The following PTPN7 variants were observed in gnomAD, a reference collection of about 807,000 sequenced individuals.
PTPN7 encodes the protein tyrosine-protein phosphatase non-receptor type 7.
Under a neutral mutation model 50.3 loss-of-function variants are expected in PTPN7, and 33 were observed. That is an observed-to-expected ratio of 0.66 (90% CI 0.50 to 0.88). The LOEUF (loss-of-function observed/expected upper bound fraction) is 0.88, where lower values mean the gene tolerates loss of function less well. PTPN7 is among the 40% of genes least tolerant of loss of function. PTPN7 has a pLI of 0.00. For synonymous variants in PTPN7, 185 were observed against 186.6 expected, an observed-to-expected ratio of 0.99 and a Z score of 0.07; for missense variants, 412 against 475.4, an observed-to-expected ratio of 0.87 and a Z score of 1.24.
chr1:202,157,326 A>T (rs1043759163), intron 4 of PTPN7, among the ~76,000 whole-genome samples: 1 of 152,304 alleles, frequency 6.6e-6, no homozygotes, highest in African/African-American at 2.4e-5. Context: ...CCTGACCAAC[A>T]TGGAGAAACC....
At chr1:202,160,920 C>T (rs1343896017), upstream of PTPN7, 3 of 1,437,576 alleles carry the variant, frequency 2.1e-6, no homozygotes, top group East Asian at 2.5e-5. The surrounding 1 kb of genome is among the most constrained non-coding windows in gnomAD (Gnocchi z 4.8). Flanking sequence ...ACCCCCAGCT[C>T]TGTGCTGTCC....
At chr1:202,160,762 G>C, upstream of PTPN7, 1 of 1,550,874 alleles carries the variant, frequency 6.4e-7, no homozygotes. The surrounding 1 kb of genome is among the most constrained non-coding windows in gnomAD (Gnocchi z 4.8). Flanking sequence ...GGGGCCCAAG[G>C]CCCCGTTCCC....
At chr1:202,148,881 A>C (rs1655625739) in intron 9 of PTPN7, among the ~76,000 whole-genome samples, 182 bp from the exon 10 acceptor site, 2 of 109,810 alleles carry the variant, frequency 1.8e-5, no homozygotes, top group African/African-American at 7.5e-5. Context: ...TGTGAGACAG[A>C]GTCTCACTCT....
At position 202,160,293 on chromosome 1, in the gene PTPN7, T is replaced by A. The variant is rs1657226774; in HGVS notation, c.-53+252A>T. ...GGGGACAGAATGGGCCTGGCACAGG[T>A]GTGAGTGGTAGAGCGAGGGTCTCTG... On this transcript the variant is annotated intron_variant, in intron 1 of 9. Transcript: ENST00000691036. The surrounding 1 kb of genome is among the most constrained non-coding windows in gnomAD (Gnocchi z 4.8). Among the ~76,000 whole-genome samples the A allele has an allele frequency of 6.6e-6, 1 of 151,936 alleles. No homozygotes were observed. The highest frequency in any genetic ancestry group is 2.1e-4 in the South Asian group (1 of 4,810).
rs766586597 is a variant in PTPN7, at chr1:202,148,562, G to A, written c.*44C>T. The A allele has an allele frequency of 6.4e-6, 10 of 1,563,534 alleles. No individual in the cohort carries two copies. The South Asian group carries it at 1.0e-4, about 16-fold the overall frequency. ...ACTTTCCCCAGACCCACCTTCCCAG[G>A]CTTGAGGGAGGTAGGCACCTGGGCC... On this transcript the variant is annotated 3_prime_UTR_variant, in exon 10 of 10. Transcript: ENST00000691036.
At position 202,158,115 on chromosome 1, in the gene PTPN7, T is replaced by C; in HGVS notation, c.306+3A>G. The C allele has an allele frequency of 6.3e-7, 1 of 1,585,696 alleles. No individual in the cohort carries two copies. The highest frequency in any genetic ancestry group is 1.7e-4 in the Middle Eastern group (1 of 5,768). Reference sequence around the variant, plus strand: ...CGATTCAGAGGGGACCCCAATTTCTTACCAAGAATTCTTCTTCCAGTTGCT... The same window carrying C: ...CGATTCAGAGGGGACCCCAATTTCTCACCAAGAATTCTTCTTCCAGTTGCT... On this transcript the variant is annotated splice_donor_region_variant and intron_variant, in intron 3 of 9. Coordinates refer to ENST00000691036, the MANE Select transcript of PTPN7 (RefSeq NM_002832.4).
At chr1:202,153,534 T>G (rs953549335) in intron 7 of PTPN7, among the ~76,000 whole-genome samples, 191 bp downstream of exon 7, 2 of 152,230 alleles carry the variant, frequency 1.3e-5, no homozygotes, top group Non-Finnish European at 2.9e-5. Context: ...TAGTCCTATT[T>G]GGCTTATTGG....
chr1:202,151,580 C>T (rs1172330557), intron 8 of PTPN7, among the ~76,000 whole-genome samples: 4 of 152,140 alleles, frequency 2.6e-5, no homozygotes, highest in African/African-American at 7.2e-5. Flanking sequence ...TGCCATGGTG[C>T]GATCTCAGCT....
At chr1:202,150,282 G>T in intron 9 of PTPN7, 29 bp downstream of exon 9, 1 of 1,563,768 alleles carries the variant, frequency 6.4e-7, no homozygotes, top group Non-Finnish European at 8.8e-7. Context: ...CGTTAACGTT[G>T]TTGGCCTTGT....
intron 7 of PTPN7, 49 bp from the exon 8 acceptor site, chr1:202,152,748 G>T: frequency 6.3e-7 from 1 of 1,588,234 alleles, no homozygotes; most frequent in Non-Finnish European, 8.6e-7. Context: ...GGAGGGCACT[G>T]TCTACCTTCT....
chr1:202,148,421 G>A lies in PTPN7; in HGVS notation c.*185C>T, dbSNP rs945471677. 7.5e-6 allele frequency: 4 copies of A among 533,008 alleles called. No homozygotes were observed. The highest frequency in any genetic ancestry group is 1.0e-5 in the Non-Finnish European group (3 of 299,936). The allele number at this position is 533,008 out of a possible 1,614,324, so 33.0% of individuals were successfully genotyped here. A position where few individuals can be genotyped will look rare whatever the true frequency, so the allele number is the denominator to read the frequency against. On this transcript the variant is annotated 3_prime_UTR_variant, in exon 10 of 10. Transcript: ENST00000691036. ...AAGCAGAGGAGTGGCCAGTGTTGAA[G>A]ACCTGGAATCCGGCCCCTTGTCCTT...
chr1:202,153,914 C>T, intron 6 of PTPN7, 79 bp from the exon 7 acceptor site: 1 of 1,195,314 alleles, frequency 8.4e-7, no homozygotes, highest in East Asian at 2.3e-5. Context: ...CTGGTATCTC[C>T]TCCCCATCCT....
chr1:202,159,266 C>T lies in PTPN7; in HGVS notation c.122+15G>A. 2 of 1,612,900 alleles carry T rather than the reference C, an allele frequency of 1.2e-6. No individual in the cohort carries two copies. Among genetic ancestry groups the T allele is most frequent in the African/African-American group, 1.3e-5 (1 of 75,048 alleles). ...CTCAGGGCTCGGAAGACCCCTCCCCCAGGGAAGATCTCACCTCTCCTGCAG... is the reference window on the plus strand; with the variant it reads ...CTCAGGGCTCGGAAGACCCCTCCCCTAGGGAAGATCTCACCTCTCCTGCAG... On this transcript the variant is annotated intron_variant, in intron 2 of 9. Transcript: ENST00000691036. The surrounding 1 kb of genome is among the most constrained non-coding windows in gnomAD (Gnocchi z 4.6).
At position 202,157,825 on chromosome 1, in the gene PTPN7, T is replaced by C. The variant is rs1318495615; in HGVS notation, c.307-2A>G. On this transcript the variant is annotated splice_acceptor_variant, in intron 3 of 9. Transcript: ENST00000691036. LOFTEE classifies it high-confidence loss of function. ...GCTGACAAAGTTTGAAGGGATCTTC[T>C]GGCAGGGGGAGGAAATGGGTGAGCA... is the stretch of plus-strand genomic sequence containing the variant. 3.1e-6 allele frequency: 5 copies of C among 1,613,770 alleles called. No homozygotes were observed. The highest frequency in any genetic ancestry group is 4.2e-6 in the Non-Finnish European group (5 of 1,179,638).
At chr1:202,152,946 G>A (rs1656203970) in intron 7 of PTPN7, among the ~76,000 whole-genome samples, 1 of 152,200 alleles carries the variant, frequency 6.6e-6, no homozygotes, top group Non-Finnish European at 1.5e-5. Context: ...CTTCCCATAA[G>A]CACATGACTT....
At chr1:202,156,280 C>T (rs1461413760) in intron 4 of PTPN7, among the ~76,000 whole-genome samples, 3 of 152,136 alleles carry the variant, frequency 2.0e-5, no homozygotes, top group Non-Finnish European at 4.4e-5. Flanking sequence ...GTATTCTATC[C>T]TTGAGATCAG....
At position 202,160,437 on chromosome 1, in the gene PTPN7, G is replaced by T. The variant is rs1657246145; in HGVS notation, c.-53+108C>A. ...ACCCATACCCCAGCCAGGCACTGTG[G>T]CGCCCCACTCGCCCTCCCGCACTCC... On this transcript the variant is annotated intron_variant, in intron 1 of 9. Transcript: ENST00000691036. The surrounding 1 kb of genome is among the most constrained non-coding windows in gnomAD (Gnocchi z 4.8). The T allele has an allele frequency of 8.6e-7, 1 of 1,168,516 alleles. No individual in the cohort carries two copies. The allele number at this position is 1,168,516 out of a possible 1,614,324, so 72.4% of individuals were successfully genotyped here.
At chr1:202,148,735 G>C (rs1425889543) in intron 9 of PTPN7, 36 bp from the exon 10 acceptor site, 1 of 1,586,536 alleles carries the variant, frequency 6.3e-7, no homozygotes, top group Non-Finnish European at 8.6e-7. Context: ...GAGTGAAGGA[G>C]GGTCAGGGTG....
chr1:202,148,492 C>G lies in PTPN7; in HGVS notation c.*114G>C. 1.1e-6 allele frequency: 1 copy of G among 871,632 alleles called. No individual in the cohort carries two copies. Among genetic ancestry groups the G allele is most frequent in the Non-Finnish European group, 1.8e-6 (1 of 567,388 alleles). 54.0% of individuals were successfully genotyped at this position (871,632 alleles called of 1,614,324 possible). On this transcript the variant is annotated 3_prime_UTR_variant, in exon 10 of 10. Transcript: ENST00000691036. ...CTGCAAGCACCACTAAGGAGGCACTCCTTCCCCACACCAACCCAAGGGGTA... is the reference window on the plus strand; with the variant it reads ...CTGCAAGCACCACTAAGGAGGCACTGCTTCCCCACACCAACCCAAGGGGTA...
Sources: gnomAD v4.1 joint callset for allele counts (sites outside exome capture counted in the v4.1 genomes callset) on GRCh38, gnomAD v4.1.1 for gene constraint, Gnocchi (gnomAD v3.1) non-coding constraint, MANE v1.5 for transcripts, NCBI Gene and HGNC (gene_info 2026-07-23, HGNC 2026-07-21) for gene names.